CTNNA2: variants seen among roughly 807,000 people sequenced by gnomAD.
CTNNA2 encodes catenin alpha-2.
In CTNNA2, 42 loss-of-function variants were observed where a neutral mutation model predicts 101.0. That is an observed-to-expected ratio of 0.42 (90% CI 0.32 to 0.54). The LOEUF is 0.54. Ranked by LOEUF, CTNNA2 falls within the 20% of genes least tolerant of loss-of-function variation. The pLI is 0.14. For missense variants in CTNNA2, 871 were observed against 1,223.1 expected, an observed-to-expected ratio of 0.71 and a Z score of 4.29; for synonymous variants, 450 against 456.4, an observed-to-expected ratio of 0.99 and a Z score of 0.18.
chr2:80,564,993 A>G (rs904988129), intron 12 of CTNNA2, among the ~76,000 whole-genome samples: 5 of 152,214 alleles, frequency 3.3e-5, no homozygotes, highest in African/African-American at 1.2e-4. Flanking sequence ...CATTTTAAAA[A>G]AGCATTTGAA....
At chr2:79,917,521 C>T (rs1405701924) in intron 7 of CTNNA2, among the ~76,000 whole-genome samples, 1 of 152,242 alleles carries the variant, frequency 6.6e-6, no homozygotes, top group Non-Finnish European at 1.5e-5. Flanking sequence ...GCCCTTGCAA[C>T]ATGGCACTTA....
chr2:80,600,657 A>G (rs969079768), intron 15 of CTNNA2, among the ~76,000 whole-genome samples: 1 of 152,210 alleles, frequency 6.6e-6, no homozygotes, highest in Admixed American at 6.5e-5. Context: ...CAGCTTGACA[A>G]GAAAAAGTAA....
chr2:79,362,413 A>G (rs990154665), intron 3 of CTNNA2, among the ~76,000 whole-genome samples: 9 of 152,202 alleles, frequency 5.9e-5, no homozygotes, highest in African/African-American at 2.2e-4. Flanking sequence ...TAACATATTC[A>G]TGTCAGGTAT....
Position 79,839,528 on chromosome 2 carries a change from T to C in CTNNA2, c.299-18485T>C, listed in dbSNP as rs1033627999. Among the ~76,000 whole-genome samples, 3 of 152,068 alleles carry C rather than the reference T, an allele frequency of 2.0e-5. No homozygotes were observed. In the East Asian group the frequency reaches 5.8e-4, roughly 29 times the overall value. ...CTCTTTTTCATTGTACTTATTCTTT[T>C]CTTTGCAATTCTGATTAGACTTATG... On this transcript the variant is annotated intron_variant, in intron 3 of 18. Transcript: ENST00000402739.
chr2:79,595,367 A>G (rs548190257), intron 1 of CTNNA2, among the ~76,000 whole-genome samples: 9 of 152,206 alleles, frequency 5.9e-5, no homozygotes, highest in East Asian at 1.9e-4. Context: ...ACAAATCTCT[A>G]TTTCTAGCCC....
rs577110583 is a variant in CTNNA2, at chr2:79,487,523, T to A, written c.-134-17531T>A. Among the ~76,000 whole-genome samples the A allele has an allele frequency of 2.6e-5, 4 of 152,302 alleles. No individual in the cohort carries two copies. The South Asian group carries it at 8.3e-4, about 32-fold the overall frequency. On this transcript the variant is annotated intron_variant, in intron 4 of 21. Transcript: ENST00000466387. ...TGCAGTGCTCATTTGGAGAGCTCCA[T>A]CTGAGAACCCAGATAGCACGCTGGG... is the stretch of plus-strand genomic sequence containing the variant.
At chr2:79,242,087 T>C (rs1048688335) in intron 2 of CTNNA2, among the ~76,000 whole-genome samples, 17 of 152,038 alleles carry the variant, frequency 1.1e-4, no homozygotes, top group Non-Finnish European at 2.9e-5. Flanking sequence ...TTGTATTTTT[T>C]AGTAGAGACG....
chr2:80,072,566 T>C (rs1170719338), intron 7 of CTNNA2, among the ~76,000 whole-genome samples: 1 of 152,188 alleles, frequency 6.6e-6, no homozygotes, highest in Non-Finnish European at 1.5e-5. Flanking sequence ...TAACTTCATT[T>C]CCATTTTTGG....
intron 7 of CTNNA2, among the ~76,000 whole-genome samples, chr2:80,128,775 C>G (rs1573167303): frequency 6.6e-6 from 1 of 152,080 alleles, no homozygotes; most frequent in Non-Finnish European, 1.5e-5. Context: ...GGAAACGATT[C>G]CAAAATTACT....
chr2:80,019,808 TTCTC>T (rs1218518567), intron 7 of CTNNA2, among the ~76,000 whole-genome samples: 3 of 152,162 alleles, frequency 2.0e-5, no homozygotes, highest in African/African-American at 7.2e-5. Context: ...CATACTTCTG[TTCTC>T]TCTCTCTTGT....
At chr2:80,528,859 T>G (rs1011204327) in intron 9 of CTNNA2, among the ~76,000 whole-genome samples, 9 of 152,188 alleles carry the variant, frequency 5.9e-5, no homozygotes, top group African/African-American at 2.2e-4. Context: ...TCTCAAACTT[T>G]GTAGCTCTTC....
chr2:79,519,400 T>A (rs991531737), intron 1 of CTNNA2, among the ~76,000 whole-genome samples: 2 of 152,108 alleles, frequency 1.3e-5, no homozygotes, highest in African/African-American at 4.8e-5. Context: ...CTCATTGAGC[T>A]AGAGATTATA....
In CTNNA2 at chr2:80,589,308, T is replaced by C; in HGVS notation, c.2012T>C (p.Ile671Thr). The change falls in exon 15 of 19, where the codon ATC becomes ACC. Residue 671 changes from isoleucine to threonine, a missense_variant. Ile to Thr is a moderately conservative substitution (Grantham distance 89). This residue lies in a region of CTNNA2 where 93 missense variants were observed against 223.7 expected (regional missense o/e 0.42). Transcript: ENST00000402739. ...CTTTTTCTGTAACCCACGCAGGCCA[T>C]CATGGCGCAACTACCGCAGGAGGAG... ...QLIAGQSARA[I>T]MAQLPQEEKA... 6.2e-7 allele frequency: 1 copy of C among 1,613,992 alleles called. No homozygotes were observed. Among genetic ancestry groups the C allele is most frequent in the Non-Finnish European group, 8.5e-7 (1 of 1,179,922 alleles).
intron 2 of CTNNA2, among the ~76,000 whole-genome samples, chr2:79,741,386 G>A (rs754315593): frequency 6.6e-6 from 1 of 152,022 alleles, no homozygotes; most frequent in African/African-American, 2.4e-5. Flanking sequence ...GAACTGATCC[G>A]AGTGAGAGAC....
intron 4 of CTNNA2, among the ~76,000 whole-genome samples, chr2:79,406,184 A>T (rs1678339748): frequency 1.3e-5 from 2 of 152,088 alleles, no homozygotes; most frequent in Non-Finnish European, 2.9e-5. Context: ...TTAACAACCA[A>T]TTCCTAGTCA....
chr2:79,365,645 G>GA (rs891233672), intron 3 of CTNNA2, among the ~76,000 whole-genome samples: 184 of 137,928 alleles, frequency 1.3e-3, no homozygotes, highest in African/African-American at 1.8e-3. Flanking sequence ...GGAGAAAAAG[G>GA]AAAAAAAAAA....
intron 15 of CTNNA2, chr2:80,603,588 C>T (rs1227338520): frequency 6.6e-6 from 1 of 152,086 alleles, no homozygotes; most frequent in Non-Finnish European, 1.5e-5. Flanking sequence ...AAAGCATATG[C>T]ATTTATTTTG....
In CTNNA2 at chr2:79,412,698, G is replaced by A. The variant is rs1051378225; in HGVS notation, c.-135+38685G>A. On this transcript the variant is annotated intron_variant, in intron 4 of 21. Coordinates refer to the CTNNA2 transcript ENST00000466387. ...AATAAAGATGTTCTTTGAAGCCAAC[G>A]AGAACAAAGACACAGCATACCAGAA... is the stretch of plus-strand genomic sequence containing the variant. 3.9e-5 allele frequency among the ~76,000 whole-genome samples: 6 copies of A among 152,036 alleles called. No individual in the cohort carries two copies. The East Asian group carries it at 9.7e-4, about 25-fold the overall frequency.
intron 3 of CTNNA2, among the ~76,000 whole-genome samples, chr2:79,753,702 G>A (rs1011796343): frequency 1.3e-5 from 2 of 152,134 alleles, no homozygotes; most frequent in African/African-American, 2.4e-5. Context: ...GTGACAAGGA[G>A]GTGCAGATGA....
Sources: allele counts gnomAD v4.1 joint callset (sites outside exome capture counted in the v4.1 genomes callset), GRCh38; gene constraint gnomAD v4.1.1; regional missense constraint gnomAD v4.1.1; transcripts MANE v1.5; gene names NCBI Gene and HGNC (gene_info 2026-07-23, HGNC 2026-07-21).